AP4E1: variants seen among roughly 807,000 people sequenced by gnomAD.
AP4E1 encodes adaptor related protein complex 4 subunit epsilon 1, also known as AP-4 complex subunit epsilon-1.
AP4E1 carries 56 observed loss-of-function variants against 128.2 expected under a neutral mutation model. That is an observed-to-expected ratio of 0.44 (90% CI 0.35 to 0.55). The LOEUF (loss-of-function observed/expected upper bound fraction) is 0.55, where lower values mean the gene tolerates loss of function less well. AP4E1 is among the 20% of genes least tolerant of loss of function. AP4E1 has a pLI of 0.00. For synonymous variants in AP4E1, 484 were observed against 473.1 expected, an observed-to-expected ratio of 1.02 and a Z score of -0.30; for missense variants, 1,324 against 1,307.7, an observed-to-expected ratio of 1.01 and a Z score of -0.19.
intron 13 of AP4E1, among the ~76,000 whole-genome samples, chr15:50,953,575 T>A (rs899474792): frequency 6.6e-6 from 1 of 152,222 alleles, no homozygotes; most frequent in African/African-American, 2.4e-5. Flanking sequence ...TGTTAGTCAC[T>A]TAGTAGCTGT....
chr15:50,911,371 C>G (rs764793073), intron 1 of AP4E1, among the ~76,000 whole-genome samples: 2 of 152,060 alleles, frequency 1.3e-5, no homozygotes, highest in Non-Finnish European at 2.9e-5. Flanking sequence ...GCTTTCTTAC[C>G]CTGTTTCTTA....
At position 50,940,990 on chromosome 15, in the gene AP4E1, C is replaced by T. The variant is rs1039702255; in HGVS notation, c.944-452C>T. 3.3e-5 allele frequency among the ~76,000 whole-genome samples: 5 copies of T among 151,906 alleles called. No homozygotes were observed. The East Asian group carries it at 5.8e-4, about 18-fold the overall frequency. On this transcript the variant is annotated intron_variant, in intron 8 of 20. Coordinates refer to ENST00000261842, the MANE Select transcript of AP4E1 (RefSeq NM_007347.5). ...TACGCAATTTTGGCACGTAAATGGT[C>T]GAAACTATTTGAGAATAAACCATTT...
rs1396668052 is a variant in AP4E1, at chr15:51,000,168, G to A, written c.3096-858G>A. Among the ~76,000 whole-genome samples, 4 of 139,976 alleles carry A rather than the reference G, an allele frequency of 2.9e-5. No individual in the cohort carries two copies. The Admixed American group carries it at 2.9e-4, about 10-fold the overall frequency. 91.8% of individuals were successfully genotyped at this position (139,976 alleles called of 152,430 possible). On this transcript the variant is annotated intron_variant, in intron 19 of 20. Coordinates refer to ENST00000261842, the MANE Select transcript of AP4E1 (RefSeq NM_007347.5). ...TTTTTTTTTTTTTTTTTTTAAACAG[G>A]GTCTTGCTGTGTCACCCAGGCTGGA... is the stretch of plus-strand genomic sequence containing the variant.
intron 18 of AP4E1, 88 bp downstream of exon 18, chr15:50,997,971 G>A (rs1448114506): frequency 9.6e-6 from 10 of 1,045,232 alleles, no homozygotes; most frequent in African/African-American, 3.2e-5. Context: ...CTTCACTTTT[G>A]TCATAAACAC....
At chr15:50,952,466 C>G (rs144433139) in intron 13 of AP4E1, among the ~76,000 whole-genome samples, 1 of 149,974 alleles carries the variant, frequency 6.7e-6, no homozygotes, top group Non-Finnish European at 1.5e-5. Context: ...ACCAAGATCA[C>G]GCCACTGCAC....
intron 7 of AP4E1, among the ~76,000 whole-genome samples, chr15:50,933,933 A>G (rs2063870555): frequency 6.6e-6 from 1 of 152,070 alleles, no homozygotes; most frequent in Non-Finnish European, 1.5e-5. Context: ...AAAACATACA[A>G]AATACCAGCT....
chr15:50,924,084 G>T (rs977559938), intron 4 of AP4E1, 80 bp downstream of exon 4: 2 of 1,189,288 alleles, frequency 1.7e-6, no homozygotes, highest in Admixed American at 3.7e-5. Context: ...TATTCAACTA[G>T]ATGAGATTAG....
At position 51,005,694 on chromosome 15, in the gene AP4E1, G is replaced by A. The variant is rs2065010484; in HGVS notation, c.*3032G>A. ...TTATCTTATATTTTTATGGATAAATGTAGTATTTGCCTCATGATTGTGAGC... is the reference window on the plus strand; with the variant it reads ...TTATCTTATATTTTTATGGATAAATATAGTATTTGCCTCATGATTGTGAGC... On this transcript the variant is annotated 3_prime_UTR_variant, in exon 21 of 21. Coordinates refer to ENST00000261842, the MANE Select transcript of AP4E1 (RefSeq NM_007347.5). 1.3e-5 allele frequency: 2 copies of A among 152,608 alleles called. No individual in the cohort carries two copies. Among genetic ancestry groups the A allele is most frequent in the Admixed American group, 6.5e-5 (1 of 15,292 alleles). The allele number at this position is 152,608 out of a possible 1,614,324, so 9.5% of individuals were successfully genotyped here.
At chr15:50,999,299 T>C (rs756057757) in intron 19 of AP4E1, 37 bp downstream of exon 19, 19 of 1,560,106 alleles carry the variant, frequency 1.2e-5, no homozygotes, top group African/African-American at 2.7e-5. Context: ...AAGTTGTTAA[T>C]TCACCAACTA....
intron 3 of AP4E1, among the ~76,000 whole-genome samples, chr15:50,917,568 A>G (rs1471293537): frequency 6.6e-6 from 1 of 152,172 alleles, no homozygotes; most frequent in East Asian, 1.9e-4. Context: ...CAATAGTGAA[A>G]TTTTGTCTTG....
chr15:50,910,272 C>A (rs2063548869), intron 1 of AP4E1, among the ~76,000 whole-genome samples: 1 of 152,180 alleles, frequency 6.6e-6, no homozygotes, highest in South Asian at 2.1e-4. Context: ...CATGAGCCAC[C>A]GCGCCGGGCC....
intron 15 of AP4E1, among the ~76,000 whole-genome samples, chr15:50,978,986 A>G (rs1304603507): frequency 3.3e-5 from 5 of 152,134 alleles, no homozygotes; most frequent in Admixed American, 2.6e-4. Flanking sequence ...CTTGGAATTG[A>G]TACTTTTTTC....
At chr15:50,944,889 A>G (rs967173460) in intron 10 of AP4E1, 4 of 815,568 alleles carry the variant, frequency 4.9e-6, no homozygotes, top group African/African-American at 1.7e-5. Context: ...AAAGCATCCA[A>G]AGAACCTGGC....
chr15:51,002,844 T>A lies in AP4E1; in HGVS notation c.*182T>A. ...TCCCCAAAACTGTATCCCTAACCTT[T>A]AACTCAGGATTGTACAGTATGTTTA... On this transcript the variant is annotated 3_prime_UTR_variant, in exon 21 of 21. Coordinates refer to ENST00000261842, the MANE Select transcript of AP4E1 (RefSeq NM_007347.5). 1 of 731,606 alleles carries A rather than the reference T, an allele frequency of 1.4e-6. No individual in the cohort carries two copies. The highest frequency in any genetic ancestry group is 2.2e-6 in the Non-Finnish European group (1 of 446,782). 45.3% of individuals were successfully genotyped at this position (731,606 alleles called of 1,614,324 possible). A position where few individuals can be genotyped will look rare whatever the true frequency, so the allele number is the denominator to read the frequency against.
intron 5 of AP4E1, among the ~76,000 whole-genome samples, chr15:50,928,032 T>A (rs1189391966): frequency 6.6e-6 from 1 of 152,192 alleles, no homozygotes; most frequent in African/African-American, 2.4e-5. Flanking sequence ...TATTTTTGCT[T>A]CTGTGTGCTA....
intron 5 of AP4E1, among the ~76,000 whole-genome samples, chr15:50,927,233 A>G (rs528444271): frequency 2.0e-5 from 3 of 152,276 alleles, no homozygotes; most frequent in East Asian, 1.9e-4. Context: ...TGTTTAGTCT[A>G]ATTTCAAGTC....
intron 15 of AP4E1, among the ~76,000 whole-genome samples, chr15:50,971,568 C>A (rs906756901): frequency 6.6e-6 from 1 of 152,054 alleles, no homozygotes; most frequent in Admixed American, 6.5e-5. Context: ...TTCTGAAATG[C>A]CCATAATACA....
intron 15 of AP4E1, among the ~76,000 whole-genome samples, chr15:50,979,649 C>T (rs1271943082): frequency 1.3e-5 from 2 of 152,090 alleles, no homozygotes; most frequent in African/African-American, 2.4e-5. Context: ...CTCAGCCTCC[C>T]GAGTAGCTGG....
In AP4E1 at chr15:51,002,675, T is replaced by C. The variant is rs149289204; in HGVS notation, c.*13T>C. 4.7e-4 allele frequency: 760 copies of C among 1,613,884 alleles called. 8 individuals carry two copies. In the East Asian group the frequency reaches 0.016, roughly 33 times the overall value. On this transcript the variant is annotated 3_prime_UTR_variant, in exon 21 of 21. Transcript: ENST00000261842. ...GGAGGGATCCTAGCAGAAGCCCTGC[T>C]AAATTTTACTCCATCAAGATCAATG...
Sources: allele counts gnomAD v4.1 joint callset (sites outside exome capture counted in the v4.1 genomes callset), GRCh38; gene constraint gnomAD v4.1.1; transcripts MANE v1.5; gene names NCBI Gene and HGNC (gene_info 2026-07-23, HGNC 2026-07-21).